MAMDC2: variants seen among roughly 807,000 people sequenced by gnomAD.
The protein encoded by MAMDC2 is MAM domain-containing protein 2.
MAMDC2 carries 57 observed loss-of-function variants against 89.8 expected under a neutral mutation model. That is an observed-to-expected ratio of 0.63 (90% CI 0.51 to 0.79). MAMDC2 has a LOEUF of 0.79. Ranked by LOEUF, MAMDC2 falls within the 30% of genes least tolerant of loss-of-function variation. The pLI, the probability that MAMDC2 is intolerant of heterozygous loss-of-function variation, is 0.00. For synonymous variants in MAMDC2, 313 were observed against 293.4 expected, an observed-to-expected ratio of 1.07 and a Z score of -0.68; for missense variants, 800 against 820.6, an observed-to-expected ratio of 0.97 and a Z score of 0.31.
chr9:70,070,479 C>T (rs1827376826), intron 2 of MAMDC2, among the ~76,000 whole-genome samples: 1 of 152,166 alleles, frequency 6.6e-6, no homozygotes, highest in Non-Finnish European at 1.5e-5. Context: ...CTCTACAAAA[C>T]CCCACTCACT....
intron 2 of MAMDC2, among the ~76,000 whole-genome samples, chr9:70,067,029 G>A (rs571062375): frequency 1.6e-4 from 25 of 152,144 alleles, no homozygotes; most frequent in Non-Finnish European, 3.2e-4. Context: ...CAACACCTGA[G>A]GAAGAGAAAG....
At chr9:70,207,055 G>A (rs2033240930) in intron 11 of MAMDC2, among the ~76,000 whole-genome samples, 1 of 152,180 alleles carries the variant, frequency 6.6e-6, no homozygotes, top group Admixed American at 6.5e-5. Flanking sequence ...TTGGTTCCAA[G>A]GCTTTGCTAT....
At position 70,111,879 on chromosome 9, in the gene MAMDC2, T is replaced by C. The variant is rs545186461; in HGVS notation, c.506-1116T>C. ...AACAGTGATGATTCAGGAGCTGTTA[T>C]CTTCTTTTGGTCTGAAAGGACAAGG... On this transcript the variant is annotated intron_variant, in intron 4 of 13. Coordinates refer to ENST00000377182, the MANE Select transcript of MAMDC2 (RefSeq NM_153267.5). Among the ~76,000 whole-genome samples, 6 of 152,328 alleles carry C rather than the reference T, an allele frequency of 3.9e-5. No individual in the cohort carries two copies. The East Asian group carries it at 1.2e-3, about 29-fold the overall frequency.
intron 11 of MAMDC2, among the ~76,000 whole-genome samples, chr9:70,189,109 T>C (rs529897839): frequency 3.9e-5 from 6 of 152,292 alleles, no homozygotes; most frequent in African/African-American, 1.4e-4. Flanking sequence ...AATAAAAATA[T>C]ACTTATTCTG....
At chr9:70,115,280 A>C (rs2029919278) in intron 5 of MAMDC2, among the ~76,000 whole-genome samples, 1 of 152,074 alleles carries the variant, frequency 6.6e-6, no homozygotes, top group Non-Finnish European at 1.5e-5. Context: ...TCACTTACAT[A>C]AGAAATTGAG....
chr9:70,104,058 A>C (rs1210106098), intron 2 of MAMDC2, among the ~76,000 whole-genome samples: 1 of 152,190 alleles, frequency 6.6e-6, no homozygotes, highest in East Asian at 1.9e-4. Context: ...ATTCGATAAG[A>C]TCTATTATCC....
At chr9:70,190,429 G>C (rs2032854337) in intron 11 of MAMDC2, among the ~76,000 whole-genome samples, 1 of 152,162 alleles carries the variant, frequency 6.6e-6, no homozygotes, top group Non-Finnish European at 1.5e-5. Flanking sequence ...GAACACAGCA[G>C]GTTCTGTGTT....
At chr9:70,053,244 C>T (rs1289266004) in intron 2 of MAMDC2, among the ~76,000 whole-genome samples, 1 of 152,178 alleles carries the variant, frequency 6.6e-6, no homozygotes, top group Non-Finnish European at 1.5e-5. Context: ...TTTGCTTTCT[C>T]TACTTTGTGA....
At chr9:70,049,871 C>T (rs1231936697) in intron 2 of MAMDC2, among the ~76,000 whole-genome samples, 6 of 152,150 alleles carry the variant, frequency 3.9e-5, no homozygotes, top group Non-Finnish European at 8.8e-5. Flanking sequence ...CCTGGGAACC[C>T]AGATCCTAGA....
chr9:70,188,322 TTAA>T (rs2118595135), intron 11 of MAMDC2, among the ~76,000 whole-genome samples: 1 of 152,304 alleles, frequency 6.6e-6, no homozygotes, highest in African/African-American at 2.4e-5. Flanking sequence ...AACATAATTA[TTAA>T]TAAGGTAGAA....
At position 70,090,043 on chromosome 9, in the gene MAMDC2, A is replaced by T. The variant is rs138087675; in HGVS notation, c.149-18168A>T. 5.6e-3 allele frequency among the ~76,000 whole-genome samples: 846 copies of T among 152,264 alleles called. 9 individuals carry two copies. Among genetic ancestry groups the T allele is most frequent in the African/African-American group, 0.02 (815 of 41,544 alleles). ...CAACATGGATGACAGATATCCAGTT[A>T]ATTTTCTTAATACATAAAGAATTTT... On this transcript the variant is annotated intron_variant, in intron 2 of 13. Transcript: ENST00000377182.
chr9:70,107,446 C>T (rs1010440832), intron 2 of MAMDC2, among the ~76,000 whole-genome samples: 4 of 151,874 alleles, frequency 2.6e-5, no homozygotes, highest in African/African-American at 9.7e-5. Flanking sequence ...ACAGGGAATC[C>T]GAAAGGAGAA....
At chr9:70,142,850 T>A (rs1172339268) in intron 8 of MAMDC2, among the ~76,000 whole-genome samples, 1 of 152,188 alleles carries the variant, frequency 6.6e-6, no homozygotes, top group East Asian at 1.9e-4. Flanking sequence ...AAGGTGTTAT[T>A]ATTTTTTTCT....
chr9:70,112,539 GA>G (rs895337951), intron 4 of MAMDC2, among the ~76,000 whole-genome samples: 1 of 152,142 alleles, frequency 6.6e-6, no homozygotes, highest in Non-Finnish European at 1.5e-5. Context: ...AAGGGTTGTG[GA>G]AAAAATTTTC....
intron 11 of MAMDC2, among the ~76,000 whole-genome samples, chr9:70,203,498 C>G: frequency 7.1e-6 from 1 of 140,120 alleles, no homozygotes; most frequent in Non-Finnish European, 1.6e-5. Flanking sequence ...ATTTTTTCCT[C>G]CATTTCAACT....
intron 11 of MAMDC2, among the ~76,000 whole-genome samples, chr9:70,215,264 T>TTACTAATGG (rs111817753): frequency 6.6e-6 from 1 of 151,520 alleles, no homozygotes; most frequent in African/African-American, 2.4e-5. Context: ...ATGTCCAATG[T>TTACTAATGG]TACAAAAATG....
chr9:70,077,332 A>G (rs1254798565), intron 2 of MAMDC2, among the ~76,000 whole-genome samples: 2 of 152,166 alleles, frequency 1.3e-5, no homozygotes, highest in East Asian at 1.9e-4. Flanking sequence ...GATGATTCTC[A>G]TCATAAAGGC....
chr9:70,215,992 G>A (rs1243806540), intron 11 of MAMDC2, among the ~76,000 whole-genome samples: 4 of 152,274 alleles, frequency 2.6e-5, no homozygotes, highest in Non-Finnish European at 5.9e-5. Flanking sequence ...ACCAATTCTT[G>A]TTTGGATGTC....
chr9:70,208,955 C>T (rs1036619378), intron 11 of MAMDC2, among the ~76,000 whole-genome samples: 1 of 152,146 alleles, frequency 6.6e-6, no homozygotes, highest in Non-Finnish European at 1.5e-5. Context: ...GTATGCTGAA[C>T]CAGCCTTGCA....
Sources: gnomAD v4.1 joint callset for allele counts (sites outside exome capture counted in the v4.1 genomes callset) on GRCh38, gnomAD v4.1.1 for gene constraint, MANE v1.5 for transcripts, NCBI Gene and HGNC (gene_info 2026-07-23, HGNC 2026-07-21) for gene names.